The following FAAH2 variants were observed in gnomAD, a reference collection of about 807,000 sequenced individuals.
FAAH2 encodes the protein fatty-acid amide hydrolase 2.
FAAH2 carries 60 observed loss-of-function variants against 36.9 expected under a neutral mutation model. That is an observed-to-expected ratio of 1.63 (90% CI 1.32 to 2.02). The LOEUF is 2.02. FAAH2 is among the 30% of genes most tolerant of loss of function. The pLI is 0.00. For missense variants in FAAH2, 689 were observed against 397.5 expected, an observed-to-expected ratio of 1.73 and a Z score of -6.23; for synonymous variants, 214 against 143.8, an observed-to-expected ratio of 1.49 and a Z score of -3.49.
intron 3 of FAAH2, among the ~76,000 whole-genome samples, chrX:57,330,171 G>A (rs904267171): frequency 2.7e-5 from 3 of 111,961 alleles, no homozygotes; most frequent in Non-Finnish European, 5.6e-5. Context: ...TGAGCCGGGT[G>A]GAACAGAGTC....
the FAAH2 span, among the ~76,000 whole-genome samples, chrX:57,227,015 TC>T: frequency 9.0e-6 from 1 of 111,566 alleles, no homozygotes; most frequent in Non-Finnish European, 1.9e-5. Context: ...ATTTTTTTTT[TC>T]TTTAAGCTAT....
chrX:57,234,422 G>C, the FAAH2 span, among the ~76,000 whole-genome samples: 1 of 111,597 alleles, frequency 9.0e-6, no homozygotes, highest in South Asian at 3.7e-4. Context: ...ATGTAAATAA[G>C]TTAGGGGCCT....
the FAAH2 span, among the ~76,000 whole-genome samples, chrX:57,256,132 A>G: frequency 1.8e-5 from 2 of 112,005 alleles, no homozygotes; most frequent in Non-Finnish European, 3.8e-5. Context: ...TAAACAAATA[A>G]GAGACAAGCA....
intron 3 of FAAH2, among the ~76,000 whole-genome samples, chrX:57,329,410 G>T (rs1378754910): frequency 9.0e-6 from 1 of 110,868 alleles, no homozygotes; most frequent in Non-Finnish European, 1.9e-5. Flanking sequence ...GGTGAGGGTG[G>T]GTCCACTTTT....
At chrX:57,481,154 AG>A (rs776418035) in intron 10 of FAAH2, among the ~76,000 whole-genome samples, 4 of 110,227 alleles carry the variant, frequency 3.6e-5, no homozygotes, top group Admixed American at 9.8e-5. Context: ...CCTTTTATCA[AG>A]GTTTTTAGGT....
chrX:57,358,291 T>A (rs957432118), intron 5 of FAAH2, among the ~76,000 whole-genome samples: 2 of 110,906 alleles, frequency 1.8e-5, no homozygotes, highest in African/African-American at 3.3e-5. Flanking sequence ...TTACAGCAGA[T>A]CTCTAGTATT....
chrX:57,128,749 A>C, the FAAH2 span, among the ~76,000 whole-genome samples: 1 of 112,265 alleles, frequency 8.9e-6, no homozygotes, highest in Non-Finnish European at 1.9e-5. Context: ...AAGTATTTAT[A>C]GAGTGTCTCC....
intron 8 of FAAH2, among the ~76,000 whole-genome samples, chrX:57,435,351 G>A (rs896095436): frequency 8.1e-5 from 9 of 111,135 alleles, no homozygotes; most frequent in African/African-American, 2.3e-4. Context: ...ATGTATAAAT[G>A]TTAACCTTGA....
chrX:57,395,474 T>A (rs182740964), intron 7 of FAAH2: 4 of 464,696 alleles, frequency 8.6e-6, no homozygotes, highest in Non-Finnish European at 1.5e-5. Context: ...TTAGGAGGAA[T>A]GCTTTAACCT....
intron 2 of FAAH2, among the ~76,000 whole-genome samples, chrX:57,300,256 G>C (rs2052307338): frequency 9.0e-6 from 1 of 111,457 alleles, no homozygotes; most frequent in Non-Finnish European, 1.9e-5. Context: ...TACCAAAACA[G>C]ACATATAGAC....
At chrX:57,341,129 T>C (rs944039144) in intron 4 of FAAH2, 142 bp from the exon 5 acceptor site, 2 of 497,843 alleles carry the variant, frequency 4.0e-6, no homozygotes, top group Admixed American at 5.0e-5. Flanking sequence ...AATAAAATTA[T>C]GATCTAAATA....
At chrX:57,338,141 C>T (rs747842603) in intron 4 of FAAH2, among the ~76,000 whole-genome samples, 12 of 111,417 alleles carry the variant, frequency 1.1e-4, no homozygotes, top group South Asian at 3.8e-4. Flanking sequence ...TGGGTGCAGG[C>T]GGGCTGAGTC....
chrX:57,197,585 C>T, the FAAH2 span, among the ~76,000 whole-genome samples: 1 of 110,444 alleles, frequency 9.1e-6, no homozygotes, highest in Admixed American at 9.7e-5. Flanking sequence ...ATGTGATGCT[C>T]TCCTTTTTTC....
intron 3 of FAAH2, among the ~76,000 whole-genome samples, chrX:57,327,780 T>C (rs1046426175): frequency 9.0e-6 from 1 of 111,584 alleles, no homozygotes; most frequent in African/African-American, 3.3e-5. Context: ...TTGCCATGGG[T>C]TCAAACTTCC....
At chrX:57,333,763 C>T (rs1273772240) in intron 4 of FAAH2, among the ~76,000 whole-genome samples, 1 of 111,088 alleles carries the variant, frequency 9.0e-6, no homozygotes. Flanking sequence ...AAGAGACTAT[C>T]TAATAACTGT....
chrX:57,203,341 C>T, the FAAH2 span, among the ~76,000 whole-genome samples: 1 of 112,357 alleles, frequency 8.9e-6, no homozygotes, highest in Non-Finnish European at 1.9e-5. Flanking sequence ...GTTTGTGGTT[C>T]AGGAACACTT....
intron 7 of FAAH2, chrX:57,381,457 G>A (rs1486280746): frequency 4.5e-6 from 2 of 446,207 alleles, no homozygotes; most frequent in Non-Finnish European, 5.6e-6. Flanking sequence ...AAAAGCAAGA[G>A]TTCATTTGGG....
chrX:57,357,982 A>T (rs935564892), intron 5 of FAAH2, among the ~76,000 whole-genome samples: 1 of 111,080 alleles, frequency 9.0e-6, no homozygotes, highest in Non-Finnish European at 1.9e-5. Context: ...TGGCAAATAT[A>T]CACCATGGAA....
the FAAH2 span, among the ~76,000 whole-genome samples, chrX:57,275,733 C>T: frequency 2.3e-5 from 2 of 86,373 alleles, no homozygotes; most frequent in Non-Finnish European, 2.0e-5. Flanking sequence ...GGAAGATCTA[C>T]CAAGTAAAAG....
Sources: allele counts gnomAD v4.1 joint callset (sites outside exome capture counted in the v4.1 genomes callset), GRCh38; gene constraint gnomAD v4.1.1; transcripts MANE v1.5; gene names NCBI Gene and HGNC (gene_info 2026-07-23, HGNC 2026-07-21).